KCNMB2: variants seen among roughly 807,000 people sequenced by gnomAD.
KCNMB2 encodes the protein potassium calcium-activated channel subfamily M regulatory beta subunit 2.
A neutral mutation model predicts 24.5 loss-of-function variants in KCNMB2; 9 were observed. The observed-to-expected ratio is 0.37, with a 90% CI of 0.22 to 0.64. KCNMB2 has a LOEUF of 0.64. Ranked by LOEUF, KCNMB2 falls within the 30% of genes least tolerant of loss-of-function variation. The pLI is 0.63. For missense variants in KCNMB2, 226 were observed against 284.3 expected (o/e 0.79, Z 1.47); for synonymous variants, 109 against 104.4 (o/e 1.04, Z -0.27).
At chr3:178,644,438 A>G (rs1719840863) in intron 1 of KCNMB2, among the ~76,000 whole-genome samples, 1 of 152,210 alleles carries the variant, frequency 6.6e-6, no homozygotes, top group South Asian at 2.1e-4. Flanking sequence ...ATAGCCAGAC[A>G]CAACTATATA....
chr3:178,708,836 C>T (rs570008106), intron 1 of KCNMB2, among the ~76,000 whole-genome samples: 9 of 152,112 alleles, frequency 5.9e-5, no homozygotes, highest in Non-Finnish European at 1.0e-4. Context: ...CTAAGTGTGT[C>T]TGGTTTTTGT....
chr3:178,751,796 T>A (rs1022758396), intron 1 of KCNMB2, among the ~76,000 whole-genome samples: 1 of 152,162 alleles, frequency 6.6e-6, no homozygotes, highest in Non-Finnish European at 1.5e-5. Flanking sequence ...CTCAGCAACA[T>A]AAAGTGTTGT....
chr3:178,578,824 C>A (rs563980147), intron 1 of KCNMB2, among the ~76,000 whole-genome samples: 1 of 152,308 alleles, frequency 6.6e-6, no homozygotes, highest in East Asian at 1.9e-4. Flanking sequence ...GAAGAGCTAA[C>A]TATCCTAAAT....
intron 1 of KCNMB2, among the ~76,000 whole-genome samples, chr3:178,547,022 G>T (rs1460897007): frequency 7.9e-5 from 12 of 152,230 alleles, no homozygotes. Flanking sequence ...AATCCCCAAT[G>T]CAACAGTGTT....
At chr3:178,639,544 C>A (rs569676849) in intron 1 of KCNMB2, among the ~76,000 whole-genome samples, 1 of 152,282 alleles carries the variant, frequency 6.6e-6, no homozygotes, top group South Asian at 2.1e-4. Context: ...ACTTATATGA[C>A]AAAGTTATTA....
intron 1 of KCNMB2, among the ~76,000 whole-genome samples, chr3:178,549,872 T>C (rs955904179): frequency 6.6e-6 from 1 of 152,228 alleles, no homozygotes; most frequent in African/African-American, 2.4e-5. Flanking sequence ...GAATTCTTTG[T>C]CGTTAATCAG....
intron 1 of KCNMB2, among the ~76,000 whole-genome samples, chr3:178,695,010 C>T (rs1308378455): frequency 6.6e-6 from 1 of 152,236 alleles, no homozygotes; most frequent in Non-Finnish European, 1.5e-5. Flanking sequence ...GGGCTCCACC[C>T]CTGCAGCAGG....
intron 1 of KCNMB2, among the ~76,000 whole-genome samples, chr3:178,788,087 T>C (rs1197140786): frequency 6.6e-6 from 1 of 152,134 alleles, no homozygotes; most frequent in Non-Finnish European, 1.5e-5. Context: ...ACAGTTTGAA[T>C]CCCTATAGAA....
At chr3:178,752,495 G>A (rs1723884018) in intron 1 of KCNMB2, among the ~76,000 whole-genome samples, 1 of 152,182 alleles carries the variant, frequency 6.6e-6, no homozygotes, top group Admixed American at 6.5e-5. Flanking sequence ...CCACATTGTG[G>A]AGTGAGTTTA....
At chr3:178,686,513 A>G (rs764196964) in intron 1 of KCNMB2, among the ~76,000 whole-genome samples, 1 of 152,178 alleles carries the variant, frequency 6.6e-6, no homozygotes, top group Admixed American at 6.5e-5. Context: ...TGAGGGCCTT[A>G]TAACCTGCTT....
chr3:178,707,162 G>A (rs1722307031), intron 1 of KCNMB2, among the ~76,000 whole-genome samples: 1 of 152,038 alleles, frequency 6.6e-6, no homozygotes, highest in Non-Finnish European at 1.5e-5. Context: ...CAGGGCCTCT[G>A]GTATAAACCT....
chr3:178,775,387 A>C (rs1275981510), intron 1 of KCNMB2, among the ~76,000 whole-genome samples: 2 of 152,186 alleles, frequency 1.3e-5, no homozygotes, highest in Non-Finnish European at 2.9e-5. Flanking sequence ...ACCCAGAGAA[A>C]TTGTTTTAAA....
intron 1 of KCNMB2, among the ~76,000 whole-genome samples, chr3:178,795,512 C>G (rs1713505416): frequency 1.3e-5 from 2 of 152,140 alleles, no homozygotes; most frequent in Admixed American, 1.3e-4. Flanking sequence ...CTGGCTGAGC[C>G]ACACAGATAC....
chr3:178,639,948 A>G (rs963990996), intron 1 of KCNMB2, among the ~76,000 whole-genome samples: 3 of 152,220 alleles, frequency 2.0e-5, no homozygotes, highest in Non-Finnish European at 4.4e-5. Flanking sequence ...TATTAACCTC[A>G]TGGCTAAAAG....
intron 1 of KCNMB2, among the ~76,000 whole-genome samples, chr3:178,714,457 GACTTTGC>G (rs1722553873): frequency 6.6e-6 from 1 of 152,154 alleles, no homozygotes; most frequent in African/African-American, 2.4e-5. Flanking sequence ...CAAAATAAGT[GACTTTGC>G]ACTAGGTCTT....
intron 1 of KCNMB2, among the ~76,000 whole-genome samples, chr3:178,546,192 C>CAATA (rs1381543594): frequency 1.3e-5 from 2 of 152,034 alleles, no homozygotes; most frequent in Non-Finnish European, 2.9e-5. Flanking sequence ...AACAATAGAA[C>CAATA]TGGTACAAAG....
chr3:178,732,685 T>C (rs1723191177), intron 1 of KCNMB2, among the ~76,000 whole-genome samples: 1 of 152,224 alleles, frequency 6.6e-6, no homozygotes. Flanking sequence ...GAGTGCAATG[T>C]TAATGAATCA....
chr3:178,661,242 G>A (rs1440710080), intron 1 of KCNMB2, among the ~76,000 whole-genome samples: 1 of 151,712 alleles, frequency 6.6e-6, no homozygotes, highest in Non-Finnish European at 1.5e-5. Context: ...GCAGTGTCTG[G>A]TTTTCTGTTC....
intron 1 of KCNMB2, among the ~76,000 whole-genome samples, chr3:178,634,965 G>T (rs540453035): frequency 2.6e-5 from 4 of 152,272 alleles, no homozygotes; most frequent in African/African-American, 9.6e-5. Context: ...TCTGAGTTCA[G>T]TGGGGAGGAA....
Sources: gnomAD v4.1 joint callset for allele counts (sites outside exome capture counted in the v4.1 genomes callset) on GRCh38, gnomAD v4.1.1 for gene constraint, MANE v1.5 for transcripts, NCBI Gene and HGNC (gene_info 2026-07-23, HGNC 2026-07-21) for gene names.